The following MBIP variants were observed in gnomAD, a reference collection of about 807,000 sequenced individuals.
The protein encoded by MBIP is MAP3K12 binding inhibitory protein 1.
MBIP carries 32 observed loss-of-function variants against 45.7 expected under a neutral mutation model. The observed-to-expected ratio is 0.70, with a 90% CI of 0.53 to 0.94. MBIP has a LOEUF of 0.94. MBIP is among the 40% of genes least tolerant of loss of function. The pLI is 0.00. For missense variants in MBIP, 381 were observed against 405.5 expected (o/e 0.94, Z 0.52); for synonymous variants, 145 against 141.0 (o/e 1.03, Z -0.20).
At chr14:36,302,733 T>C (rs17104334) in intron 7 of MBIP, among the ~76,000 whole-genome samples, 5,068 of 152,210 alleles carry the variant, frequency 0.033, 277 homozygotes, top group African/African-American at 0.12. Context: ...AAAGAACACT[T>C]AGAAATACCA....
Position 36,299,178 on chromosome 14 carries a change from G to C in MBIP, c.940C>G (p.Leu314Val). ...KVQPPQQNYSLAELDEKISAL... is the reference protein window; with the variant it reads ...KVQPPQQNYSVAELDEKISAL... Reference sequence around the variant, plus strand: ...CTAATTTTCTCATCAAGTTCAGCCAGTGAATAGTTCTGCTGTAAACAATAA... The same window carrying C: ...CTAATTTTCTCATCAAGTTCAGCCACTGAATAGTTCTGCTGTAAACAATAA... The change falls in exon 9 of 9, where the codon CTG (leucine) becomes GTG (valine). Residue 314 changes from leucine to valine, a missense_variant. Leu to Val is a conservative substitution (Grantham distance 32, BLOSUM62 1). Transcript: ENST00000416007. The C allele has an allele frequency of 6.2e-7, 1 of 1,612,466 alleles. No homozygotes were observed. The highest frequency in any genetic ancestry group is 8.5e-7 in the Non-Finnish European group (1 of 1,178,602).
intron 7 of MBIP, among the ~76,000 whole-genome samples, chr14:36,301,846 G>T (rs902639511): frequency 6.6e-6 from 1 of 152,186 alleles, no homozygotes; most frequent in Admixed American, 6.5e-5. Flanking sequence ...ATTAGTAAAT[G>T]AGTATATTTG....
At chr14:36,306,041 A>T (rs1273187275) in intron 7 of MBIP, among the ~76,000 whole-genome samples, 3 of 152,168 alleles carry the variant, frequency 2.0e-5, no homozygotes, top group African/African-American at 4.8e-5. Context: ...TATCGTGTTC[A>T]CAAATCACTT....
At chr14:36,316,664 C>T (rs1032587552) in intron 2 of MBIP, 29 bp downstream of exon 2, 7 of 1,579,434 alleles carry the variant, frequency 4.4e-6, no homozygotes, top group South Asian at 2.3e-5. Flanking sequence ...TTTTCAATAT[C>T]GGGTTATCAT....
At chr14:36,309,760 T>C (rs562646871) in intron 6 of MBIP, among the ~76,000 whole-genome samples, 1 of 152,306 alleles carries the variant, frequency 6.6e-6, no homozygotes, top group Admixed American at 6.5e-5. Flanking sequence ...TGCCGAAACC[T>C]CTTCATTCGC....
chr14:36,299,444 C>T (rs1879401969), intron 8 of MBIP, among the ~76,000 whole-genome samples: 1 of 121,860 alleles, frequency 8.2e-6, no homozygotes, highest in Admixed American at 9.7e-5. Context: ...ACCTTTTATA[C>T]TTAGAAAGAA....
chr14:36,302,718 G>C lies in MBIP; in HGVS notation c.889-1895C>G, dbSNP rs140976284. ...GTTTTAGCTCTGAGCAGAATATTTT[G>C]ATAAAAAGAACACTTAGAAATACCA... On this transcript the variant is annotated intron_variant, in intron 7 of 8. Coordinates refer to ENST00000416007, the MANE Select transcript of MBIP (RefSeq NM_016586.3). Among the ~76,000 whole-genome samples, 322 of 152,082 alleles carry C rather than the reference G, an allele frequency of 2.1e-3. 1 individual carries two copies. The highest frequency in any genetic ancestry group is 7.5e-3 in the African/African-American group (312 of 41,506).
At position 36,320,568 on chromosome 14, in the gene MBIP, A is replaced by G. The variant is rs776770457; in HGVS notation, c.21T>C (p.Leu7=). The G allele has an allele frequency of 2.5e-6, 4 of 1,612,454 alleles. No homozygotes were observed. The highest frequency in any genetic ancestry group is 3.3e-5 in the Admixed American group (2 of 59,902). The change falls in exon 1 of 9, where the codon CTT becomes CTC. Residue 7 remains leucine, a synonymous_variant. Coordinates refer to ENST00000416007, the MANE Select transcript of MBIP (RefSeq NM_016586.3). The part of the protein sequence containing the change: MAAATE[L]NRPSSGDRNL... Reference sequence around the variant, plus strand: ...TCCTGTCACCGCTGCTCGGGCGATTAAGCTCCGTGGCAGCAGCCATGATAT... The same window carrying G: ...TCCTGTCACCGCTGCTCGGGCGATTGAGCTCCGTGGCAGCAGCCATGATAT...
At chr14:36,301,216 G>A (rs906831499) in intron 7 of MBIP, among the ~76,000 whole-genome samples, 9 of 152,092 alleles carry the variant, frequency 5.9e-5, no homozygotes, top group African/African-American at 9.7e-5. Context: ...AAGGAAAAAC[G>A]GAATCTGGTA....
At chr14:36,312,772 A>G (rs1483192163) in intron 4 of MBIP, among the ~76,000 whole-genome samples, 4 of 150,476 alleles carry the variant, frequency 2.7e-5, no homozygotes, top group Admixed American at 2.6e-4. Flanking sequence ...CATAATTGTT[A>G]TATATTAACA....
chr14:36,299,119 TC>T lies in MBIP; in HGVS notation c.998del (p.Arg333LysfsTer44), dbSNP rs767626898. The stretch of plus-strand genomic sequence containing the variant: ...GGTGGGTTGCCATGGATTCTGCTTC[TC>T]TTGATTTTCTGAGGAGGGCTTGTTT... ...ALKQALLRKS[R>X]EAESMATHHL... is the part of the protein sequence containing the mutation. On this transcript the variant is annotated frameshift_variant, in exon 9 of 9. Coordinates refer to ENST00000416007, the MANE Select transcript of MBIP (RefSeq NM_016586.3). LOFTEE classifies it high-confidence loss of function. 32 of 1,613,774 alleles carry T rather than the reference TC, an allele frequency of 2.0e-5. No individual in the cohort carries two copies. The highest frequency in any genetic ancestry group is 2.7e-5 in the Non-Finnish European group (32 of 1,179,846).
rs75031154 is a variant in MBIP, at chr14:36,319,553, C to G, written c.129+907G>C. On this transcript the variant is annotated intron_variant, in intron 1 of 8. Transcript: ENST00000416007. ...GGCTTTAAAAATAATTTTCACAAAT[C>G]AGACAAATGTTCTATTTTCATAGGA... The G allele has an allele frequency of 4.5e-3, 1,963 of 433,242 alleles. 26 individuals carry two copies. Among genetic ancestry groups the G allele is most frequent in the African/African-American group, 0.037 (1,819 of 48,928 alleles). 26.8% of individuals were successfully genotyped at this position (433,242 alleles called of 1,614,324 possible).
chr14:36,300,025 T>C (rs1411171789), intron 8 of MBIP, among the ~76,000 whole-genome samples: 3 of 152,160 alleles, frequency 2.0e-5, no homozygotes, highest in African/African-American at 7.2e-5. Context: ...AATATACTAA[T>C]AGCCACTTTA....
rs1880597647 is a variant in MBIP at position 36,316,759 on chromosome 14, C to G, written c.183G>C (p.Gln61His). The G allele has an allele frequency of 6.2e-7, 1 of 1,612,952 alleles. No homozygotes were observed. The highest frequency in any genetic ancestry group is 1.1e-5 in the South Asian group (1 of 90,994). Residue 61 changes from glutamine (Q) to histidine (H), a missense_variant, in exon 2 of 9, where the codon CAG becomes CAC. By Grantham distance (24) the Gln-to-His change is conservative. Coordinates refer to ENST00000416007, the MANE Select transcript of MBIP (RefSeq NM_016586.3). ...VKITIDWNKL[Q>H]SLSAFQPALL... ...ATGCAGGCTGGAATGCCGAGAGGCT[C>G]TGGAGCTTGTTCCAATCGATTGTAA... is the stretch of plus-strand genomic sequence containing the variant.
chr14:36,308,370 G>A (rs758871851), intron 6 of MBIP, among the ~76,000 whole-genome samples, 181 bp from the exon 7 acceptor site: 3 of 152,142 alleles, frequency 2.0e-5, no homozygotes, highest in East Asian at 1.9e-4. Context: ...ATACACTATC[G>A]GACATATTGT....
intron 5 of MBIP, 82 bp downstream of exon 5, chr14:36,311,877 G>C (rs979139659): frequency 1.2e-5 from 15 of 1,261,410 alleles, no homozygotes; most frequent in Non-Finnish European, 1.7e-5. Flanking sequence ...ATAAAATTTA[G>C]ATGGGAAAGT....
intron 6 of MBIP, among the ~76,000 whole-genome samples, chr14:36,308,703 T>C (rs1361029080): frequency 1.3e-5 from 2 of 152,064 alleles, no homozygotes; most frequent in African/African-American, 4.8e-5. Context: ...AAGAGTAAAT[T>C]ATGGCCACTC....
At chr14:36,307,795 G>A (rs1158414823) in intron 7 of MBIP, among the ~76,000 whole-genome samples, 2 of 152,154 alleles carry the variant, frequency 1.3e-5, no homozygotes, top group African/African-American at 4.8e-5. Context: ...AGCAAGTTCA[G>A]AGTAACAGGC....
At chr14:36,315,503 A>G (rs1273730440) in intron 2 of MBIP, among the ~76,000 whole-genome samples, 4 of 152,074 alleles carry the variant, frequency 2.6e-5, no homozygotes, top group African/African-American at 7.2e-5. Context: ...ACATGGCAAG[A>G]TATCTTTTGG....
Sources: gnomAD v4.1 joint callset for allele counts (sites outside exome capture counted in the v4.1 genomes callset) on GRCh38, gnomAD v4.1.1 for gene constraint, MANE v1.5 for transcripts, NCBI Gene and HGNC (gene_info 2026-07-23, HGNC 2026-07-21) for gene names.